The following GPHN variants were observed in gnomAD, a reference collection of about 807,000 sequenced individuals.
GPHN encodes gephyrin.
GPHN carries 17 observed loss-of-function variants against 95.5 expected under a neutral mutation model. The observed-to-expected ratio is 0.18, with a 90% confidence interval of 0.12 to 0.27. The LOEUF (loss-of-function observed/expected upper bound fraction) is 0.27, where lower values mean the gene tolerates loss of function less well. Among genes scored for constraint, GPHN ranks in the 10% least tolerant of loss-of-function variants. The probability of loss-of-function intolerance (pLI) is 1.00; values close to 1 mark genes in which losing one functional copy is unlikely to be tolerated. For missense variants in GPHN, 660 were observed against 978.1 expected (o/e 0.67, Z 4.34); for synonymous variants, 320 against 322.5 (o/e 0.99, Z 0.08).
intron 9 of GPHN, among the ~76,000 whole-genome samples, chr14:67,007,226 A>G (rs987283224): frequency 1.3e-5 from 2 of 152,198 alleles, no homozygotes; most frequent in Non-Finnish European, 2.9e-5. Flanking sequence ...CCTTGAAAAT[A>G]TAAGAAGCAA....
chr14:66,591,027 A>G (rs1318368638), intron 1 of GPHN, among the ~76,000 whole-genome samples: 1 of 152,204 alleles, frequency 6.6e-6, no homozygotes, highest in Non-Finnish European at 1.5e-5. Flanking sequence ...AACACAATCC[A>G]TTATGTAAAC....
chr14:66,702,538 C>A (rs2068654903), intron 2 of GPHN, among the ~76,000 whole-genome samples: 1 of 152,066 alleles, frequency 6.6e-6, no homozygotes. Context: ...CCCCAGCAAA[C>A]CACAGCAGCC....
the GPHN span, chr14:67,574,030 T>TC: frequency 1.4e-6 from 1 of 714,320 alleles, no homozygotes; most frequent in Non-Finnish European, 2.4e-6. The surrounding 1 kb of genome is among the most constrained non-coding windows in gnomAD (Gnocchi z 4.2). Context: ...AACTTGTGAG[T>TC]ACAAGAAAGG....
chr14:67,367,905 T>C, the GPHN span, among the ~76,000 whole-genome samples: 1 of 151,892 alleles, frequency 6.6e-6, no homozygotes, highest in Non-Finnish European at 1.5e-5. Flanking sequence ...ACATGGAAAA[T>C]ATATAGGTAA....
intron 17 of GPHN, among the ~76,000 whole-genome samples, chr14:67,139,842 ACTGGCCCAG>A (rs1207332035): frequency 6.6e-6 from 1 of 152,056 alleles, no homozygotes; most frequent in Non-Finnish European, 1.5e-5. Context: ...GACCCAAATA[ACTGGCCCAG>A]CAGTGACAAT....
At chr14:67,506,001 A>G in the GPHN span, among the ~76,000 whole-genome samples, 192 of 152,176 alleles carry the variant, frequency 1.3e-3, 1 homozygote, top group Admixed American at 5.3e-3. Flanking sequence ...CACCTGGCTG[A>G]TAATTTGTTC....
At chr14:66,843,179 A>G (rs2062164961) in intron 4 of GPHN, among the ~76,000 whole-genome samples, 1 of 151,930 alleles carries the variant, frequency 6.6e-6, no homozygotes, top group Non-Finnish European at 1.5e-5. Context: ...CTGCTGAATG[A>G]TTTGCATTCT....
intron 20 of GPHN, among the ~76,000 whole-genome samples, chr14:67,165,452 C>T (rs1176064337): frequency 1.3e-5 from 1 of 78,410 alleles, no homozygotes; most frequent in Non-Finnish European, 1.9e-5. Context: ...TAATATATAT[C>T]AAAGCACATT....
At chr14:67,201,598 C>G in the GPHN span, 6 of 452,762 alleles carry the variant, frequency 1.3e-5, no homozygotes, top group East Asian at 4.2e-4. Flanking sequence ...ACTGCTGAAA[C>G]CAGTCACTGG....
intron 1 of GPHN, among the ~76,000 whole-genome samples, chr14:66,646,303 C>G (rs2064740324): frequency 6.6e-6 from 1 of 151,986 alleles, no homozygotes; most frequent in African/African-American, 2.4e-5. Flanking sequence ...AAAACAAAAC[C>G]AGAAGAATCC....
the GPHN span, chr14:67,561,965 G>A: frequency 6.2e-7 from 1 of 1,613,306 alleles, no homozygotes; most frequent in Non-Finnish European, 8.5e-7. Flanking sequence ...TTGAGATGGA[G>A]AATCAGCATC....
At chr14:67,490,015 T>C in the GPHN span, among the ~76,000 whole-genome samples, 1,971 of 151,670 alleles carry the variant, frequency 0.013, 12 homozygotes, top group Non-Finnish European at 0.019. Flanking sequence ...ATTCTGTCTA[T>C]GTGTCTGTTT....
the GPHN span, chr14:67,561,939 T>C: frequency 1.9e-6 from 3 of 1,606,964 alleles, no homozygotes; most frequent in Non-Finnish European, 2.6e-6. Flanking sequence ...AATCTTCATT[T>C]TTCTTTTTGC....
the GPHN span, among the ~76,000 whole-genome samples, chr14:67,193,184 A>G: frequency 2.8e-5 from 4 of 140,538 alleles, no homozygotes; most frequent in Non-Finnish European, 6.1e-5. Context: ...ATCTCTATAT[A>G]GACATCTATC....
the GPHN span, among the ~76,000 whole-genome samples, chr14:67,442,933 T>C: frequency 6.6e-6 from 1 of 152,112 alleles, no homozygotes; most frequent in Admixed American, 6.6e-5. Flanking sequence ...ATTAAATGAG[T>C]TCTGGGCTGG....
At chr14:67,308,256 A>G in the GPHN span, among the ~76,000 whole-genome samples, 178 of 151,414 alleles carry the variant, frequency 1.2e-3, 1 homozygote, top group African/African-American at 4.2e-3. Context: ...AAGTCAGTGT[A>G]AAAAGTATAA....
intron 1 of GPHN, among the ~76,000 whole-genome samples, chr14:66,563,008 G>A (rs1194800476): frequency 1.3e-5 from 2 of 151,980 alleles, no homozygotes; most frequent in African/African-American, 4.8e-5. Context: ...ATATTCACAG[G>A]TTCTAGAGAT....
the GPHN span, chr14:67,473,275 G>A: frequency 8.7e-7 from 1 of 1,153,098 alleles, no homozygotes; most frequent in Admixed American, 2.5e-5. The surrounding 1 kb of genome is among the most constrained non-coding windows in gnomAD (Gnocchi z 6.5). Context: ...GGCCCCCGCG[G>A]ACGTTAGGGG....
chr14:67,580,114 G>A, the GPHN span: 1 of 470,220 alleles, frequency 2.1e-6, no homozygotes, highest in South Asian at 2.7e-5. Context: ...TCCCTCGAGT[G>A]GCTGTGCAGC....
Sources: gnomAD v4.1 joint callset for allele counts (sites outside exome capture counted in the v4.1 genomes callset) on GRCh38, gnomAD v4.1.1 for gene constraint, Gnocchi (gnomAD v3.1) non-coding constraint, MANE v1.5 for transcripts, NCBI Gene and HGNC (gene_info 2026-07-23, HGNC 2026-07-21) for gene names.